The following TCF7L1 variants were observed in gnomAD, a reference collection of about 807,000 sequenced individuals.
The protein encoded by TCF7L1 is transcription factor 7-like 1.
In TCF7L1, 18 loss-of-function variants were observed where a neutral mutation model predicts 63.7. The ratio of observed to expected loss-of-function variants is 0.28; its 90% CI spans 0.20 to 0.42. The LOEUF is 0.42. Among genes scored for constraint, TCF7L1 ranks in the 10% least tolerant of loss-of-function variants. TCF7L1 has a pLI of 1.00. For missense variants in TCF7L1, 654 were observed against 779.3 expected (o/e 0.84, Z 1.91); for synonymous variants, 355 against 340.9 (o/e 1.04, Z -0.46).
chr2:85,142,471 GTATATATATAATATATA>G (rs1677765120), intron 3 of TCF7L1, among the ~76,000 whole-genome samples: 2 of 141,808 alleles, frequency 1.4e-5, no homozygotes, highest in Non-Finnish European at 3.0e-5. Context: ...TGTGTTGTGT[GTATATATATAATATATA>G]TATATATATA....
At chr2:85,289,086 T>A (rs1681625305) in intron 4 of TCF7L1, among the ~76,000 whole-genome samples, 1 of 152,208 alleles carries the variant, frequency 6.6e-6, no homozygotes, top group African/African-American at 2.4e-5. Flanking sequence ...TTTTTAATTT[T>A]AAAAAATCTT....
chr2:85,252,651 A>ACAGTCT (rs1252465422), intron 3 of TCF7L1, among the ~76,000 whole-genome samples: 1 of 152,358 alleles, frequency 6.6e-6, no homozygotes, highest in Admixed American at 6.5e-5. Flanking sequence ...TTTCCAAAGA[A>ACAGTCT]CAGTCTAGAA....
chr2:85,192,919 C>T (rs1386308913), intron 3 of TCF7L1, among the ~76,000 whole-genome samples: 1 of 151,808 alleles, frequency 6.6e-6, no homozygotes, highest in Admixed American at 6.6e-5. Context: ...GAACTCATGG[C>T]CTCAAGCAAT....
chr2:85,137,116 G>C (rs192058456), intron 3 of TCF7L1, among the ~76,000 whole-genome samples: 5 of 152,278 alleles, frequency 3.3e-5, no homozygotes, highest in African/African-American at 9.6e-5. Context: ...AAAATTAGGT[G>C]ACCCCAGTTA....
chr2:85,152,904 A>G (rs991731519), intron 3 of TCF7L1, among the ~76,000 whole-genome samples: 12 of 152,232 alleles, frequency 7.9e-5, no homozygotes, highest in Admixed American at 6.5e-4. Flanking sequence ...ATTTCTACCA[A>G]CTGATACATT....
chr2:85,139,825 G>C (rs1204659349), intron 3 of TCF7L1, among the ~76,000 whole-genome samples: 3 of 152,130 alleles, frequency 2.0e-5, no homozygotes, highest in African/African-American at 7.2e-5. Flanking sequence ...GCCAGGACAT[G>C]GGCTAGGGGA....
chr2:85,304,985 G>T (rs867734901), intron 7 of TCF7L1, among the ~76,000 whole-genome samples: 1 of 152,094 alleles, frequency 6.6e-6, no homozygotes, highest in Non-Finnish European at 1.5e-5. Flanking sequence ...TCCCCAGTAT[G>T]CCCGGGCCTC....
rs1160393264 is a variant in TCF7L1 at position 85,133,730 on chromosome 2, G to A, written c.46G>A (p.Gly16Arg). 2.5e-6 allele frequency: 3 copies of A among 1,202,680 alleles called. No homozygotes were observed. Among genetic ancestry groups the A allele is most frequent in the South Asian group, 8.3e-5 (2 of 24,112 alleles). The allele number at this position is 1,202,680 out of a possible 1,614,324, so 74.5% of individuals were successfully genotyped here. A position where few individuals can be genotyped will look rare whatever the true frequency, so the allele number is the denominator to read the frequency against. Reference protein sequence around the residue: ...GGGGGGGGGSGGGGGSSAGAA... With the variant: ...GGGGGGGGGSRGGGGSSAGAA... ...GGGCGGCGGCGGCGGCGGCGGCAGC[G>A]GGGGAGGCGGCGGCTCCAGCGCCGG... Residue 16 changes from glycine to arginine, a missense_variant, in exon 1 of 12, where the codon GGG becomes AGG. By Grantham distance (125) the Gly-to-Arg change is moderately radical. This residue lies in a region of TCF7L1 where 404 missense variants were observed against 454.8 expected (regional missense o/e 0.89). Transcript: ENST00000282111. This position sits in a 1 kb window ranked among gnomAD's most constrained non-coding sequence, Gnocchi z 4.4.
rs1677517344 is a variant in TCF7L1, at chr2:85,133,766, G to C, written c.82G>C (p.Gly28Arg). 1 of 1,247,312 alleles carries C rather than the reference G, an allele frequency of 8.0e-7. No homozygotes were observed. The highest frequency in any genetic ancestry group is 1.0e-6 in the Non-Finnish European group (1 of 994,096). 77.3% of individuals were successfully genotyped at this position (1,247,312 alleles called of 1,614,324 possible). A position where few individuals can be genotyped will look rare whatever the true frequency, so the allele number is the denominator to read the frequency against. Residue 28 changes from glycine (G) to arginine (R), a missense_variant, in exon 1 of 12, where the codon GGA becomes CGA. Around this residue, in one of 3 missense-constraint regions of TCF7L1, gnomAD observed 404 missense variants for 454.8 expected, o/e 0.89. Coordinates refer to ENST00000282111, the MANE Select transcript of TCF7L1 (RefSeq NM_031283.3). The surrounding 1 kb of genome is among the most constrained non-coding windows in gnomAD (Gnocchi z 4.4). ...CGGCTCCAGCGCCGGGGCGGCCGGC[G>C]GAGGGGACGACCTCGGGGCGAACGA... ...GGGSSAGAAG[G>R]GDDLGANDEL... is the part of the protein sequence containing the mutation.
intron 3 of TCF7L1, among the ~76,000 whole-genome samples, chr2:85,219,256 TTAAAGTCTAAGCA>T (rs1223894299): frequency 6.6e-6 from 1 of 152,192 alleles, no homozygotes; most frequent in Non-Finnish European, 1.5e-5. Flanking sequence ...ACGGCAAAAG[TTAAAGTCTAAGCA>T]TACTGGTGTT....
intron 3 of TCF7L1, among the ~76,000 whole-genome samples, chr2:85,159,639 G>A (rs995399560): frequency 6.6e-6 from 1 of 152,246 alleles, no homozygotes; most frequent in African/African-American, 2.4e-5. Flanking sequence ...ACCTACTGGA[G>A]ATGGGAGAAG....
In TCF7L1 at chr2:85,251,146, GTTTAC is replaced by G. The variant is rs138968384; in HGVS notation, c.442-32346_442-32342del. 6.4e-3 allele frequency among the ~76,000 whole-genome samples: 981 copies of G among 152,288 alleles called. 5 individuals carry two copies. Among genetic ancestry groups the G allele is most frequent in the African/African-American group, 0.022 (931 of 41,550 alleles). On this transcript the variant is annotated intron_variant, in intron 3 of 11. Coordinates refer to ENST00000282111, the MANE Select transcript of TCF7L1 (RefSeq NM_031283.3). ...TGTATTTAGGAGGTTTGTGTGGTTT[GTTTAC>G]TTGGGTTTTGTTTTTTGCTGTAACT...
intron 3 of TCF7L1, among the ~76,000 whole-genome samples, chr2:85,143,587 G>A (rs1677796238): frequency 1.3e-5 from 2 of 152,206 alleles, no homozygotes; most frequent in South Asian, 2.1e-4. Flanking sequence ...TAGAGGTCAA[G>A]TATCTCGTAC....
chr2:85,240,486 C>G (rs1680297265), intron 3 of TCF7L1, among the ~76,000 whole-genome samples: 1 of 151,894 alleles, frequency 6.6e-6, no homozygotes, highest in Non-Finnish European at 1.5e-5. Flanking sequence ...ATGATAAAAC[C>G]ATTGGCTGGG....
intron 3 of TCF7L1, among the ~76,000 whole-genome samples, chr2:85,185,427 C>T (rs539587069): frequency 1.9e-3 from 288 of 152,050 alleles, no homozygotes; most frequent in Non-Finnish European, 3.2e-3. Context: ...TCAGCAACAT[C>T]ACGTCTTACA....
At chr2:85,302,734 G>A (rs1682013037) in intron 5 of TCF7L1, 118 bp downstream of exon 5, 5 of 1,327,544 alleles carry the variant, frequency 3.8e-6, no homozygotes, top group Middle Eastern at 4.7e-4. Flanking sequence ...CTTTGTCTCA[G>A]GAGTCTTTGG....
At chr2:85,282,422 C>T (rs1681439476) in intron 3 of TCF7L1, among the ~76,000 whole-genome samples, 1 of 152,234 alleles carries the variant, frequency 6.6e-6, no homozygotes, top group Non-Finnish European at 1.5e-5. Flanking sequence ...AGCGTTGACA[C>T]TAAGACAACA....
At chr2:85,303,319 C>G (rs959208027) in intron 5 of TCF7L1, 1 of 152,360 alleles carries the variant, frequency 6.6e-6, no homozygotes, top group Admixed American at 6.5e-5. Flanking sequence ...GCCACCATGC[C>G]CAACCTGAAC....
chr2:85,205,374 G>A (rs540411122), intron 3 of TCF7L1, among the ~76,000 whole-genome samples: 18 of 152,158 alleles, frequency 1.2e-4, no homozygotes, highest in Non-Finnish European at 1.8e-4. Flanking sequence ...TTTGTCTTCC[G>A]GCTGTAGCAA....
Sources: gnomAD v4.1 joint callset for allele counts (sites outside exome capture counted in the v4.1 genomes callset) on GRCh38, gnomAD v4.1.1 for gene constraint, gnomAD v4.1.1 regional missense constraint, Gnocchi (gnomAD v3.1) non-coding constraint, MANE v1.5 for transcripts, NCBI Gene and HGNC (gene_info 2026-07-23, HGNC 2026-07-21) for gene names.